Variants in HECW1 observed in about 807,000 individuals in gnomAD.
HECW1 encodes the protein HECT, C2 and WW domain containing E3 ubiquitin protein ligase 1, also known as E3 ubiquitin-protein ligase HECW1.
A neutral mutation model predicts 182.3 loss-of-function variants in HECW1; 61 were observed. That is an observed-to-expected ratio of 0.33 (90% CI 0.27 to 0.41). The LOEUF (loss-of-function observed/expected upper bound fraction) is 0.41, where lower values mean the gene tolerates loss of function less well. Among genes scored for constraint, HECW1 ranks in the 10% least tolerant of loss-of-function variants. HECW1 has a pLI of 1.00. For missense variants in HECW1, 1,739 were observed against 2,108.9 expected (o/e 0.82, Z 3.44); for synonymous variants, 859 against 832.6 (o/e 1.03, Z -0.55).
In HECW1 at chr7:43,463,660, G is replaced by A. The variant is rs756596751; in HGVS notation, c.2652G>A (p.Arg884=). 1.2e-6 allele frequency: 2 copies of A among 1,613,184 alleles called. No homozygotes were observed. Among genetic ancestry groups the A allele is most frequent in the Non-Finnish European group, 1.7e-6 (2 of 1,179,546 alleles). ...SIQQMEQLNR[R]YQNIQRTIAT... is the part of the protein sequence containing the mutation. ...TGTCTTTCCATTTTCTAATGCAAAG[G>A]TATCAAAACATTCAGCGAACCATTG... The change falls in exon 14 of 30, where the codon CGG becomes CGA. Residue 884 remains arginine, a splice_region_variant and synonymous_variant. Transcript: ENST00000395891.
intron 26 of HECW1, among the ~76,000 whole-genome samples, chr7:43,546,361 T>G (rs2081563010): frequency 6.6e-6 from 1 of 152,042 alleles, no homozygotes; most frequent in South Asian, 2.1e-4. Context: ...TGGGGCTTGA[T>G]GACTTTCATG....
intron 2 of HECW1, among the ~76,000 whole-genome samples, chr7:43,198,525 A>ACT (rs1794713840): frequency 6.8e-6 from 1 of 148,070 alleles, no homozygotes; most frequent in Non-Finnish European, 1.5e-5. Context: ...CACCACAGAC[A>ACT]CCACACTCAC....
intron 6 of HECW1, among the ~76,000 whole-genome samples, chr7:43,371,938 A>C (rs2024268): frequency 0.23 from 34,151 of 151,300 alleles, 3,968 homozygotes; most frequent in Middle Eastern, 0.34. Flanking sequence ...TCCTGCCTCA[A>C]CCTCCCTAGT....
intron 7 of HECW1, among the ~76,000 whole-genome samples, chr7:43,401,626 G>C (rs1310423689): frequency 1.5e-5 from 2 of 134,082 alleles, no homozygotes; most frequent in African/African-American, 5.8e-5. Context: ...GGCTGAAAAT[G>C]CATGATACGT....
Position 43,221,537 on chromosome 7 carries a change from G to GTTTTTTTTTTTTTTTTTTT in HECW1, c.-31-22314_-31-22296dup. On this transcript the variant is annotated intron_variant, in intron 2 of 29. Coordinates refer to ENST00000395891, the MANE Select transcript of HECW1 (RefSeq NM_015052.5). ...CTAAACTAAATGTCAGAGGAATTAG[G>GTTTTTTTTTTTTTTTTTTT]TTTTTTTTTTTTTTTTTTTTTTTTT... Among the ~76,000 whole-genome samples, 2 of 50,532 alleles carry GTTTTTTTTTTTTTTTTTTT rather than the reference G, an allele frequency of 4.0e-5. 1 individual carries two copies. The highest frequency in any genetic ancestry group is 6.9e-5 in the Non-Finnish European group (2 of 29,154). The allele number at this position is 50,532 out of a possible 152,430, so 33.2% of individuals were successfully genotyped here. A position where few individuals can be genotyped will look rare whatever the true frequency, so the allele number is the denominator to read the frequency against.
chr7:43,435,293 T>G (rs1468836062), intron 8 of HECW1, among the ~76,000 whole-genome samples: 1 of 152,188 alleles, frequency 6.6e-6, no homozygotes, highest in Non-Finnish European at 1.5e-5. Context: ...ATAGAAGTTT[T>G]AAGGACCTGA....
chr7:43,450,058 A>C lies in HECW1; in HGVS notation c.2399-770A>C, dbSNP rs79193863. Among the ~76,000 whole-genome samples, 277 of 152,176 alleles carry C rather than the reference A, an allele frequency of 1.8e-3. 4 individuals carry two copies. The East Asian group carries it at 0.031, about 17-fold the overall frequency. On this transcript the variant is annotated intron_variant, in intron 11 of 29. Transcript: ENST00000395891. ...TAATGTTTATTTCTAAACTTTCTCC[A>C]TGTTTGTCTTTCTTCCTCCTTCTTT... is the stretch of plus-strand genomic sequence containing the variant.
At chr7:43,465,420 C>A (rs2077730089) in intron 14 of HECW1, among the ~76,000 whole-genome samples, 1 of 152,194 alleles carries the variant, frequency 6.6e-6, no homozygotes, top group Non-Finnish European at 1.5e-5. Context: ...ACTAGGGTGG[C>A]TTGTTCCTGC....
chr7:43,473,878 G>A (rs2078117466), intron 16 of HECW1, among the ~76,000 whole-genome samples: 1 of 152,048 alleles, frequency 6.6e-6, no homozygotes, highest in Non-Finnish European at 1.5e-5. Flanking sequence ...AAAGAAGATG[G>A]AAATAATAAA....
At chr7:43,248,688 TC>T (rs1562731706) in intron 3 of HECW1, 1 of 82,084 alleles carries the variant, frequency 1.2e-5, no homozygotes, top group Non-Finnish European at 2.5e-5. Context: ...CTCCTCCTCC[TC>T]CTCCTTTTCC....
chr7:43,264,704 T>C (rs1044143825), intron 3 of HECW1, among the ~76,000 whole-genome samples: 18 of 151,802 alleles, frequency 1.2e-4, no homozygotes, highest in South Asian at 4.2e-4. Flanking sequence ...ATTAGCCAGG[T>C]GTGGTGGCGG....
chr7:43,421,993 T>C (rs900752049), intron 8 of HECW1, among the ~76,000 whole-genome samples: 5 of 152,144 alleles, frequency 3.3e-5, no homozygotes, highest in African/African-American at 1.2e-4. Flanking sequence ...TAATATCCCT[T>C]TGCTTATCTC....
At chr7:43,313,568 C>T (rs976494602) in intron 4 of HECW1, among the ~76,000 whole-genome samples, 1 of 152,218 alleles carries the variant, frequency 6.6e-6, no homozygotes, top group Non-Finnish European at 1.5e-5. Flanking sequence ...AACTCCCGAC[C>T]TCAGGTGATC....
chr7:43,546,519 T>C (rs2081569310), intron 26 of HECW1, among the ~76,000 whole-genome samples: 1 of 151,870 alleles, frequency 6.6e-6, no homozygotes, highest in Non-Finnish European at 1.5e-5. Context: ...ATCTAAAGGC[T>C]GAATTAGAGA....
chr7:43,508,076 T>A lies in HECW1; in HGVS notation c.3811T>A (p.Ser1271Thr), dbSNP rs1434697440. The A allele has an allele frequency of 6.2e-7, 1 of 1,613,926 alleles. No individual in the cohort carries two copies. Among genetic ancestry groups the A allele is most frequent in the Admixed American group, 1.7e-5 (1 of 60,006 alleles). Residue 1271 changes from serine to threonine, a missense_variant, in exon 23 of 30, where the codon TCG (serine) becomes ACG (threonine). This residue lies in a region of HECW1 where 420 missense variants were observed against 595.7 expected (regional missense o/e 0.71). Transcript: ENST00000395891. ...EGTFNQVMAY[S>T]RKELQRNKLY... ...AACCTTCAATCAGGTGATGGCCTAT[T>A]CGCGGAAAGAGCTCCAGCGAAACAA...
chr7:43,284,998 A>ATTTTTT (rs55642652), intron 3 of HECW1, among the ~76,000 whole-genome samples: 5,941 of 145,138 alleles, frequency 0.041, 139 homozygotes, highest in African/African-American at 0.065. Flanking sequence ...TTCTGTATGG[A>ATTTTTT]TTTTTTTTTT....
intron 7 of HECW1, among the ~76,000 whole-genome samples, chr7:43,398,557 G>T (rs947090794): frequency 1.3e-5 from 2 of 152,010 alleles, no homozygotes; most frequent in African/African-American, 4.8e-5. Context: ...AGTGAGCCCA[G>T]TAAAGCAAAT....
At chr7:43,559,461 C>T (rs1242407528) in intron 29 of HECW1, among the ~76,000 whole-genome samples, 1 of 152,172 alleles carries the variant, frequency 6.6e-6, no homozygotes, top group East Asian at 1.9e-4. Flanking sequence ...TTAAGAGAAT[C>T]TTATGTTTAA....
chr7:43,364,674 ATGGCTCAGGCC>A (rs950343381), intron 6 of HECW1, among the ~76,000 whole-genome samples: 1 of 152,244 alleles, frequency 6.6e-6, no homozygotes, highest in Non-Finnish European at 1.5e-5. Context: ...GGGGTGAGAA[ATGGCTCAGGCC>A]TGGCAGGGAA....
Sources: gnomAD v4.1 joint callset for allele counts (sites outside exome capture counted in the v4.1 genomes callset) on GRCh38, gnomAD v4.1.1 for gene constraint, gnomAD v4.1.1 regional missense constraint, MANE v1.5 for transcripts, NCBI Gene and HGNC (gene_info 2026-07-23, HGNC 2026-07-21) for gene names.